Variants in TMEM38B observed in about 807,000 individuals in gnomAD.
TMEM38B encodes the protein transmembrane protein 38B.
A neutral mutation model predicts 28.7 loss-of-function variants in TMEM38B; 24 were observed. The ratio of observed to expected loss-of-function variants is 0.84; its 90% CI spans 0.61 to 1.18. TMEM38B has a LOEUF of 1.18. Among genes scored for constraint, TMEM38B ranks in the 50% most tolerant of loss-of-function variants. The probability of loss-of-function intolerance (pLI) is 0.00; values close to 1 mark genes in which losing one functional copy is unlikely to be tolerated. For synonymous variants in TMEM38B, 131 were observed against 127.7 expected (o/e 1.03, Z -0.17); for missense variants, 380 against 350.9 (o/e 1.08, Z -0.66).
intron 4 of TMEM38B, among the ~76,000 whole-genome samples, chr9:105,735,406 C>T (rs1034893852): frequency 2.0e-5 from 3 of 152,212 alleles, no homozygotes; most frequent in African/African-American, 7.2e-5. Flanking sequence ...CACATACTTT[C>T]ATGATAGTAA....
intron 5 of TMEM38B, chr9:105,760,178 T>C (rs919904508): frequency 8.7e-6 from 8 of 915,414 alleles, no homozygotes; most frequent in African/African-American, 4.9e-5. Flanking sequence ...CAACTTTTAA[T>C]GCGTATGATT....
At chr9:105,722,854 C>T (rs1400892780) in intron 4 of TMEM38B, among the ~76,000 whole-genome samples, 3 of 151,818 alleles carry the variant, frequency 2.0e-5, no homozygotes, top group Non-Finnish European at 2.9e-5. Flanking sequence ...CCTTAGAAAA[C>T]AAAATCAAAC....
rs570108402 is a variant in TMEM38B, at chr9:105,775,144, A to T, written c.*1064A>T. ...ATGTAATGTGTTATTAATTTTATTAAATGAAAACTAATCACCTTCATGTGG... is the reference window on the plus strand; with the variant it reads ...ATGTAATGTGTTATTAATTTTATTATATGAAAACTAATCACCTTCATGTGG... On this transcript the variant is annotated 3_prime_UTR_variant, in exon 6 of 6. Coordinates refer to ENST00000374692, the MANE Select transcript of TMEM38B (RefSeq NM_018112.3). 6.6e-6 allele frequency: 1 copy of T among 152,160 alleles called. No homozygotes were observed. Among genetic ancestry groups the T allele is most frequent in the East Asian group, 1.9e-4 (1 of 5,178 alleles). 9.4% of individuals were successfully genotyped at this position (152,160 alleles called of 1,614,324 possible).
intron 2 of TMEM38B, among the ~76,000 whole-genome samples, chr9:105,720,031 T>G (rs1337395422): frequency 6.6e-6 from 1 of 152,104 alleles, no homozygotes; most frequent in Non-Finnish European, 1.5e-5. Flanking sequence ...TATGAATGTG[T>G]AAAAATTTTA....
At chr9:105,736,729 C>A (rs1836996478) in intron 4 of TMEM38B, among the ~76,000 whole-genome samples, 1 of 152,202 alleles carries the variant, frequency 6.6e-6, no homozygotes, top group African/African-American at 2.4e-5. Context: ...GGAACAATCA[C>A]CTCTTCCAAA....
intron 1 of TMEM38B, among the ~76,000 whole-genome samples, chr9:105,705,299 A>G (rs943573528): frequency 6.6e-6 from 1 of 152,220 alleles, no homozygotes; most frequent in African/African-American, 2.4e-5. Context: ...AGGAGACAAT[A>G]AGTGAGAATA....
intron 5 of TMEM38B, 77 bp from the exon 6 acceptor site, chr9:105,773,788 T>G (rs1373050286): frequency 2.1e-6 from 3 of 1,422,216 alleles, no homozygotes; most frequent in African/African-American, 1.4e-5. Context: ...ATTTTGATTT[T>G]TTTTCCTTTT....
At chr9:105,773,196 G>A (rs1003619790) in intron 5 of TMEM38B, among the ~76,000 whole-genome samples, 2 of 152,102 alleles carry the variant, frequency 1.3e-5, no homozygotes, top group Admixed American at 6.6e-5. Flanking sequence ...TGAACACTGT[G>A]CATTTTGCCA....
chr9:105,697,819 T>A (rs1439164447), intron 1 of TMEM38B, among the ~76,000 whole-genome samples: 1 of 152,208 alleles, frequency 6.6e-6, no homozygotes, highest in Admixed American at 6.5e-5. Context: ...TTGTGCATTT[T>A]AAGAAGGGGT....
intron 4 of TMEM38B, among the ~76,000 whole-genome samples, chr9:105,743,239 A>G (rs1465987574): frequency 6.6e-6 from 1 of 152,210 alleles, no homozygotes; most frequent in Non-Finnish European, 1.5e-5. Flanking sequence ...ACTGAGTGAT[A>G]CTGATTTTAG....
intron 2 of TMEM38B, among the ~76,000 whole-genome samples, chr9:105,709,880 A>C (rs1034337320): frequency 3.9e-5 from 6 of 152,260 alleles, no homozygotes; most frequent in African/African-American, 1.4e-4. Flanking sequence ...CACCTAAATC[A>C]GTTTGAGGCA....
intron 5 of TMEM38B, among the ~76,000 whole-genome samples, chr9:105,767,038 G>C (rs1003139874): frequency 6.6e-6 from 1 of 151,798 alleles, no homozygotes; most frequent in African/African-American, 2.4e-5. Flanking sequence ...ATGGTTTCCA[G>C]CTTCATCTAT....
At chr9:105,711,455 G>T (rs1835899796) in intron 2 of TMEM38B, among the ~76,000 whole-genome samples, 1 of 151,302 alleles carries the variant, frequency 6.6e-6, no homozygotes, top group South Asian at 2.1e-4. Context: ...AAAAAGAAAA[G>T]AAAAGAAAAA....
At chr9:105,753,986 G>A (rs954626943) in intron 5 of TMEM38B, among the ~76,000 whole-genome samples, 2 of 152,000 alleles carry the variant, frequency 1.3e-5, no homozygotes, top group African/African-American at 2.4e-5. Flanking sequence ...CCAAGCAAAT[G>A]GAAAACAGAG....
chr9:105,771,023 A>T (rs1197439737), intron 5 of TMEM38B, among the ~76,000 whole-genome samples: 1 of 152,128 alleles, frequency 6.6e-6, no homozygotes, highest in African/African-American at 2.4e-5. Context: ...GTAACTTGAG[A>T]TATAAAGAAT....
At chr9:105,749,147 A>G in intron 5 of TMEM38B, 8 of 1,272,950 alleles carry the variant, frequency 6.3e-6, no homozygotes, top group South Asian at 3.9e-5. Flanking sequence ...CTTCACATGT[A>G]GTCTCTTCCA....
rs577685878 is a variant in TMEM38B, at chr9:105,739,482, G to A, written c.543-8591G>A. Among the ~76,000 whole-genome samples, 25 of 152,162 alleles carry A rather than the reference G, an allele frequency of 1.6e-4. No individual in the cohort carries two copies. The South Asian group carries it at 3.3e-3, about 20-fold the overall frequency. ...TTTTGATAGACATAACATTGACCCC[G>A]TAGATGGCTTTGGGAATTATTGCTG... On this transcript the variant is annotated intron_variant, in intron 4 of 5. Coordinates refer to ENST00000374692, the MANE Select transcript of TMEM38B (RefSeq NM_018112.3).
At chr9:105,729,304 G>C (rs1457021178) in intron 4 of TMEM38B, among the ~76,000 whole-genome samples, 1 of 152,180 alleles carries the variant, frequency 6.6e-6, no homozygotes, top group African/African-American at 2.4e-5. Context: ...CATATGGCTA[G>C]TCAGTTTTCC....
chr9:105,729,928 G>C (rs1443408206), intron 4 of TMEM38B, among the ~76,000 whole-genome samples: 2 of 152,148 alleles, frequency 1.3e-5, no homozygotes, highest in Non-Finnish European at 2.9e-5. Context: ...CATTGATTTT[G>C]TATCCTGAAA....
Sources: gnomAD v4.1 joint callset for allele counts (sites outside exome capture counted in the v4.1 genomes callset) on GRCh38, gnomAD v4.1.1 for gene constraint, MANE v1.5 for transcripts, NCBI Gene and HGNC (gene_info 2026-07-23, HGNC 2026-07-21) for gene names.